ABHD5: variants seen among roughly 807,000 people sequenced by gnomAD.
ABHD5 encodes the protein 1-acylglycerol-3-phosphate O-acyltransferase ABHD5.
In ABHD5, 30 loss-of-function variants were observed where a neutral mutation model predicts 44.9. The ratio of observed to expected loss-of-function variants is 0.67; its 90% CI spans 0.50 to 0.91. ABHD5 has a LOEUF of 0.91. ABHD5 is among the 40% of genes least tolerant of loss of function. The probability of loss-of-function intolerance (pLI) is 0.00; values close to 1 mark genes in which losing one functional copy is unlikely to be tolerated. For missense variants in ABHD5, 399 were observed against 423.4 expected, an observed-to-expected ratio of 0.94 and a Z score of 0.50; for synonymous variants, 167 against 147.0, an observed-to-expected ratio of 1.14 and a Z score of -0.99.
chr3:43,719,455 A>G lies in ABHD5; in HGVS notation c.*923A>G, dbSNP rs909150757. Reference sequence around the variant, plus strand: ...ATTTTTATTAACATCTAACTTTTGTAGATGGGTGCTAAAATTGCATACATT... The same window carrying G: ...ATTTTTATTAACATCTAACTTTTGTGGATGGGTGCTAAAATTGCATACATT... On this transcript the variant is annotated 3_prime_UTR_variant, in exon 7 of 7. Coordinates refer to ENST00000644371, the MANE Select transcript of ABHD5 (RefSeq NM_016006.6). 3 of 152,318 alleles carry G rather than the reference A, an allele frequency of 2.0e-5. No individual in the cohort carries two copies. In the South Asian group the frequency reaches 6.2e-4, roughly 32 times the overall value. The allele number at this position is 152,318 out of a possible 1,614,324, so 9.4% of individuals were successfully genotyped here. A position where few individuals can be genotyped will look rare whatever the true frequency, so the allele number is the denominator to read the frequency against.
At chr3:43,690,892 T>TG, upstream of ABHD5, 1 of 1,321,842 alleles carries the variant, frequency 7.6e-7, no homozygotes, top group Non-Finnish European at 1.0e-6. Flanking sequence ...ACGCATGCGC[T>TG]GGCGGCCTGC....
chr3:43,733,725 G>T (rs1269462982), intron 7 of ABHD5, among the ~76,000 whole-genome samples: 1 of 152,114 alleles, frequency 6.6e-6, no homozygotes, highest in African/African-American at 2.4e-5. Flanking sequence ...GGAGAAAAAC[G>T]TATTTGGGGT....
At chr3:43,693,740 A>G (rs1435316854) in intron 1 of ABHD5, among the ~76,000 whole-genome samples, 2 of 122,034 alleles carry the variant, frequency 1.6e-5, no homozygotes, top group Non-Finnish European at 3.4e-5. Context: ...AACTTTTATT[A>G]GTTTCTCCTC....
intron 6 of ABHD5, 114 bp from the exon 7 acceptor site, chr3:43,718,329 T>C (rs1264900571): frequency 1.2e-6 from 1 of 863,132 alleles, no homozygotes; most frequent in Non-Finnish European, 2.0e-6. Context: ...AATCACGTGT[T>C]TTATTTAAAT....
At position 43,702,230 on chromosome 3, in the gene ABHD5, A is replaced by T. The variant is rs2084549773; in HGVS notation, c.149A>T (p.Tyr50Phe). The stretch of plus-strand genomic sequence containing the variant: ...TTTTCATTAGGTGTGCCTTGCACAT[A>T]CAAAAAAGAACCTGTTCGTATATCT... Reference protein sequence around the residue: ...EKMLKCVPCTYKKEPVRISNG... With the variant: ...EKMLKCVPCTFKKEPVRISNG... The change falls in exon 3 of 7, where the codon TAC (tyrosine) becomes TTC (phenylalanine). Residue 50 changes from tyrosine (Y) to phenylalanine (F), a missense_variant. By Grantham distance (22) the Tyr-to-Phe change is conservative. Transcript: ENST00000644371. 1.3e-6 allele frequency: 2 copies of T among 1,588,422 alleles called. No homozygotes were observed. Among genetic ancestry groups the T allele is most frequent in the Admixed American group, 1.7e-5 (1 of 57,218 alleles).
chr3:43,727,357 C>G, downstream of ABHD5, among the ~76,000 whole-genome samples: 1 of 152,174 alleles, frequency 6.6e-6, no homozygotes, highest in East Asian at 1.9e-4. Context: ...GGACCTTATT[C>G]TACTGTACTG....
chr3:43,699,197 T>C (rs930467405), intron 1 of ABHD5, 79 bp from the exon 2 acceptor site: 1 of 1,285,522 alleles, frequency 7.8e-7, no homozygotes, highest in African/African-American at 1.5e-5. Context: ...CTGTGCTGCC[T>C]TTCTTCTGTG....
Position 43,717,661 on chromosome 3 carries a change from G to A in ABHD5, c.774-10G>A, listed in dbSNP as rs756873141. On this transcript the variant is annotated splice_polypyrimidine_tract_variant and intron_variant, in intron 5 of 6. Coordinates refer to ENST00000644371, the MANE Select transcript of ABHD5 (RefSeq NM_016006.6). Reference sequence around the variant, plus strand: ...AATCATACATCGTGATTTTCTCCTTGCCGTTAAAGTGGTGAGACAGCTTTC... The same window carrying A: ...AATCATACATCGTGATTTTCTCCTTACCGTTAAAGTGGTGAGACAGCTTTC... The A allele has an allele frequency of 3.7e-6, 6 of 1,614,074 alleles. No individual in the cohort carries two copies. In the Admixed American group the frequency reaches 8.3e-5, roughly 22 times the overall value.
rs568756350 is a variant in ABHD5 at position 43,691,286 on chromosome 3, G to A, written c.47+247G>A. 139 of 363,874 alleles carry A rather than the reference G, an allele frequency of 3.8e-4. No individual in the cohort carries two copies. In the East Asian group the frequency reaches 4.8e-3, roughly 13 times the overall value. The allele number at this position is 363,874 out of a possible 1,614,324, so 22.5% of individuals were successfully genotyped here. ...GAGCCGGACTCCGGCCGCGCCGGGAGGCCGCCTTGACCCCGCGCGGAGGGT... is the reference window on the plus strand; with the variant it reads ...GAGCCGGACTCCGGCCGCGCCGGGAAGCCGCCTTGACCCCGCGCGGAGGGT... On this transcript the variant is annotated intron_variant, in intron 1 of 6. Coordinates refer to ENST00000644371, the MANE Select transcript of ABHD5 (RefSeq NM_016006.6).
chr3:43,706,690 A>G (rs1009171709), intron 3 of ABHD5, among the ~76,000 whole-genome samples: 1 of 152,112 alleles, frequency 6.6e-6, no homozygotes, highest in Non-Finnish European at 1.5e-5. Flanking sequence ...CTGGCCTCGA[A>G]TGATCCTCCT....
At chr3:43,698,808 C>CA (rs1416962745) in intron 1 of ABHD5, among the ~76,000 whole-genome samples, 3 of 152,070 alleles carry the variant, frequency 2.0e-5, no homozygotes, top group African/African-American at 7.2e-5. Flanking sequence ...TCTTTTTCCC[C>CA]AAAAAATGGT....
chr3:43,723,709 T>C (rs888331390), downstream of ABHD5, among the ~76,000 whole-genome samples: 1 of 152,198 alleles, frequency 6.6e-6, no homozygotes, highest in Non-Finnish European at 1.5e-5. Flanking sequence ...GGAAATTCCA[T>C]AGGACAGAAA....
intron 1 of ABHD5, among the ~76,000 whole-genome samples, chr3:43,694,688 T>A: frequency 6.6e-6 from 1 of 151,884 alleles, no homozygotes; most frequent in East Asian, 1.9e-4. Context: ...ATACTACCAA[T>A]CTGAGTCTTT....
chr3:43,705,336 C>T (rs1488075975), intron 3 of ABHD5, among the ~76,000 whole-genome samples: 2 of 152,054 alleles, frequency 1.3e-5, no homozygotes, highest in African/African-American at 4.8e-5. Context: ...GCCTTTTGCC[C>T]AGTTAGTCTA....
At position 43,702,391 on chromosome 3, in the gene ABHD5, G is replaced by A; in HGVS notation, c.310G>A (p.Val104Ile). 2 of 1,614,206 alleles carry A rather than the reference G, an allele frequency of 1.2e-6. 1 individual carries two copies. Among genetic ancestry groups the A allele is most frequent in the South Asian group, 2.2e-5 (2 of 91,084 alleles). Reference protein sequence around the residue: ...NFGDLCTNRPVYAFDLLGFGR... With the variant: ...NFGDLCTNRPIYAFDLLGFGR... ...TGGAGATCTTTGCACCAACAGACCT[G>A]TCTATGCTTTTGACCTATTGGGTTT... Residue 104 changes from valine to isoleucine, a missense_variant, in exon 3 of 7, where the codon GTC becomes ATC. By Grantham distance (29) the Val-to-Ile change is conservative. Transcript: ENST00000644371.
chr3:43,717,664 G>GT lies in ABHD5; in HGVS notation c.774-5dup. 6.2e-7 allele frequency: 1 copy of GT among 1,614,036 alleles called. No individual in the cohort carries two copies. Among genetic ancestry groups the GT allele is most frequent in the Non-Finnish European group, 8.5e-7 (1 of 1,179,946 alleles). ...CATACATCGTGATTTTCTCCTTGCC[G>GT]TTAAAGTGGTGAGACAGCTTTCAAG... On this transcript the variant is annotated splice_polypyrimidine_tract_variant and splice_region_variant and intron_variant, in intron 5 of 6. Coordinates refer to ENST00000644371, the MANE Select transcript of ABHD5 (RefSeq NM_016006.6).
At chr3:43,705,324 A>G (rs778524961) in intron 3 of ABHD5, among the ~76,000 whole-genome samples, 3 of 152,160 alleles carry the variant, frequency 2.0e-5, no homozygotes, top group Admixed American at 1.3e-4. Flanking sequence ...TTTCAGTTTT[A>G]TGCCTTTTGC....
Position 43,717,805 on chromosome 3 carries a change from A to G in ABHD5, c.908A>G (p.Asn303Ser), listed in dbSNP as rs574148007. 1.2e-5 allele frequency: 19 copies of G among 1,614,240 alleles called. No homozygotes were observed. Among genetic ancestry groups the G allele is most frequent in the Middle Eastern group, 1.6e-4 (1 of 6,062 alleles). ...GGCGCCCGATCCTGCATAGATGGCA[A>G]TTCTGGCACCAGCATCCAGTCCTTA... ...IFGARSCIDG[N>S]SGTSIQSLRP... is the part of the protein sequence containing the mutation. The change falls in exon 6 of 7, where the codon AAT becomes AGT. Residue 303 changes from asparagine to serine, a missense_variant. Transcript: ENST00000644371.
Position 43,718,510 on chromosome 3 carries a change from AG to A in ABHD5, c.1029del (p.Ile344SerfsTer19). The stretch of plus-strand genomic sequence containing the variant: ...GAAGAATTCAACCAGAAAGTAAAGG[AG>A]ATCTGCGACACTGTGGACTGAACAC... The part of the protein sequence containing the change: ...QPEEFNQKVK[E>X]ICDTVD On this transcript the variant is annotated frameshift_variant, in exon 7 of 7. Transcript: ENST00000644371. LOFTEE classifies it high-confidence loss of function. 1.2e-6 allele frequency: 2 copies of A among 1,614,158 alleles called. No individual in the cohort carries two copies. Among genetic ancestry groups the A allele is most frequent in the Non-Finnish European group, 1.7e-6 (2 of 1,180,000 alleles).
Sources: allele counts gnomAD v4.1 joint callset (sites outside exome capture counted in the v4.1 genomes callset), GRCh38; gene constraint gnomAD v4.1.1; transcripts MANE v1.5; gene names NCBI Gene and HGNC (gene_info 2026-07-23, HGNC 2026-07-21).